The following DENND2A variants were observed in gnomAD, a reference collection of about 807,000 sequenced individuals.
DENND2A encodes the protein DENN domain-containing protein 2A.
DENND2A carries 53 observed loss-of-function variants against 105.3 expected under a neutral mutation model. That is an observed-to-expected ratio of 0.50 (90% CI 0.40 to 0.63). The LOEUF is 0.63. DENND2A is among the 30% of genes least tolerant of loss of function. DENND2A has a pLI of 0.00. For missense variants in DENND2A, 1,138 were observed against 1,279.6 expected (o/e 0.89, Z 1.69); for synonymous variants, 522 against 508.4 (o/e 1.03, Z -0.36).
chr7:140,566,735 G>A (rs565816742), intron 9 of DENND2A, among the ~76,000 whole-genome samples: 75 of 135,874 alleles, frequency 5.5e-4, no homozygotes, highest in Admixed American at 8.2e-4. Flanking sequence ...CGCCCAGGCC[G>A]GAGTGCAGTG....
At chr7:140,568,228 C>T (rs1797955068) in intron 8 of DENND2A, among the ~76,000 whole-genome samples, 1 of 152,202 alleles carries the variant, frequency 6.6e-6, no homozygotes, top group Non-Finnish European at 1.5e-5. Flanking sequence ...GCGTGAGCCA[C>T]CAAGCCCGGC....
intron 12 of DENND2A, among the ~76,000 whole-genome samples, chr7:140,551,529 G>T (rs965142768): frequency 5.9e-5 from 9 of 151,992 alleles, no homozygotes; most frequent in African/African-American, 2.2e-4. Context: ...CCAGGCCTGC[G>T]CCCAGACTTG....
At chr7:140,584,951 C>G (rs1180858458) in intron 5 of DENND2A, among the ~76,000 whole-genome samples, 3 of 152,300 alleles carry the variant, frequency 2.0e-5, no homozygotes, top group African/African-American at 7.2e-5. Flanking sequence ...GTAATCCCAG[C>G]ACTTTGGGAG....
At chr7:140,595,778 A>G (rs929859593) in intron 3 of DENND2A, among the ~76,000 whole-genome samples, 1 of 152,040 alleles carries the variant, frequency 6.6e-6, no homozygotes, top group Admixed American at 6.6e-5. Context: ...AAAAAAAAAA[A>G]AGCTTGGCTA....
In DENND2A at chr7:140,542,565, CTTTTTTT is replaced by C. The variant is rs771623397; in HGVS notation, c.2327+2046_2327+2052del. ...CTACTTTGCAGTTCTTTTTCTCTCT[CTTTTTTT>C]TTTTTTTTTTTTTTTGAGTTTCACT... On this transcript the variant is annotated intron_variant, in intron 14 of 19. Transcript: ENST00000496613. 6.2e-5 allele frequency among the ~76,000 whole-genome samples: 7 copies of C among 112,008 alleles called. No individual in the cohort carries two copies. In the South Asian group the frequency reaches 1.2e-3, roughly 19 times the overall value. The allele number at this position is 112,008 out of a possible 152,430, so 73.5% of individuals were successfully genotyped here.
chr7:140,537,062 T>C lies in DENND2A; in HGVS notation c.2327+7556A>G, dbSNP rs1484682351. Among the ~76,000 whole-genome samples, 3 of 152,222 alleles carry C rather than the reference T, an allele frequency of 2.0e-5. No individual in the cohort carries two copies. The East Asian group carries it at 5.8e-4, about 29-fold the overall frequency. On this transcript the variant is annotated intron_variant, in intron 14 of 19. Transcript: ENST00000496613. ...CTAGCTAGACCTCTGAAGTATCTTA[T>C]GGATGCCAGAGCAGCAAGGTGGCAG... is the stretch of plus-strand genomic sequence containing the variant.
At chr7:140,624,948 C>A (rs1260607877) in intron 1 of DENND2A, among the ~76,000 whole-genome samples, 3 of 149,546 alleles carry the variant, frequency 2.0e-5, no homozygotes, top group African/African-American at 7.5e-5. Flanking sequence ...ACAGCTTCGA[C>A]CTTATGTCCA....
At chr7:140,540,688 C>T (rs570390691) in intron 14 of DENND2A, among the ~76,000 whole-genome samples, 23 of 152,116 alleles carry the variant, frequency 1.5e-4, no homozygotes, top group East Asian at 9.6e-4. Context: ...CTCTCTCAGA[C>T]GTCACTGGGG....
chr7:140,570,274 G>A (rs6957365), intron 6 of DENND2A, among the ~76,000 whole-genome samples: 4,066 of 152,288 alleles, frequency 0.027, 184 homozygotes, highest in African/African-American at 0.092. Flanking sequence ...CCCTATGGGC[G>A]TCTGTTGTCT....
rs192157376 is a variant in DENND2A at position 140,609,373 on chromosome 7, C to T, written c.-247-3567G>A. On this transcript the variant is annotated intron_variant, in intron 1 of 19. Transcript: ENST00000496613. ...ACTAAAAATACAAAAATTAGGTGGG[C>T]GTGGTGGTGGGCGCTTATAATCCCA... is the stretch of plus-strand genomic sequence containing the variant. Among the ~76,000 whole-genome samples, 76 of 151,992 alleles carry T rather than the reference C, an allele frequency of 5.0e-4. No homozygotes were observed. The East Asian group carries it at 0.014, about 28-fold the overall frequency.
At chr7:140,528,958 A>G (rs537464684) in intron 14 of DENND2A, among the ~76,000 whole-genome samples, 1 of 151,536 alleles carries the variant, frequency 6.6e-6, no homozygotes, top group South Asian at 2.1e-4. Context: ...TACAAAAATT[A>G]GCTGGGCATG....
At chr7:140,555,561 T>TG in intron 12 of DENND2A, 75 bp downstream of exon 12, 1 of 1,299,756 alleles carries the variant, frequency 7.7e-7, no homozygotes, top group Non-Finnish European at 1.1e-6. Flanking sequence ...GCCCAGGACA[T>TG]GGGGGTATTC....
chr7:140,624,841 TTTTC>T (rs1222787116), intron 1 of DENND2A, among the ~76,000 whole-genome samples: 2 of 151,524 alleles, frequency 1.3e-5, no homozygotes, highest in Admixed American at 6.6e-5. Context: ...GAGATTTTGT[TTTTC>T]TTTGTTTTTT....
At chr7:140,607,407 C>G (rs1799732058) in intron 1 of DENND2A, among the ~76,000 whole-genome samples, 1 of 152,078 alleles carries the variant, frequency 6.6e-6, no homozygotes, top group Non-Finnish European at 1.5e-5. Flanking sequence ...AGGAAGGGAA[C>G]AGACACATCT....
At chr7:140,548,683 G>A (rs1169173403) in intron 12 of DENND2A, among the ~76,000 whole-genome samples, 1 of 150,946 alleles carries the variant, frequency 6.6e-6, no homozygotes, top group Non-Finnish European at 1.5e-5. Context: ...GCATGATCTC[G>A]GCTCACTGCA....
chr7:140,521,825 C>T, intron 18 of DENND2A, 30 bp downstream of exon 18: 1 of 1,610,174 alleles, frequency 6.2e-7, no homozygotes. Flanking sequence ...CTCTAGCTGA[C>T]TCGGCCCCAA....
chr7:140,579,166 G>A (rs1284926179), intron 5 of DENND2A, among the ~76,000 whole-genome samples: 6 of 151,868 alleles, frequency 4.0e-5, no homozygotes, highest in African/African-American at 4.8e-5. Context: ...GGTGGCGCAC[G>A]CCTGTAGTCC....
chr7:140,590,877 G>GAATAATAATTAATAATAATAATAATAAT (rs1563163118), intron 3 of DENND2A, among the ~76,000 whole-genome samples: 2 of 140,966 alleles, frequency 1.4e-5, no homozygotes, highest in African/African-American at 5.9e-5. Flanking sequence ...TGTTTCTGGG[G>GAATAATAATTAATAATAATAATAATAAT]AATAATAATA....
intron 1 of DENND2A, among the ~76,000 whole-genome samples, chr7:140,619,463 G>A (rs574571335): frequency 1.3e-5 from 2 of 151,944 alleles, no homozygotes; most frequent in Non-Finnish European, 1.5e-5. Context: ...GGTGGTGATG[G>A]GTTGCACAAC....
Sources: gnomAD v4.1 joint callset for allele counts (sites outside exome capture counted in the v4.1 genomes callset) on GRCh38, gnomAD v4.1.1 for gene constraint, MANE v1.5 for transcripts, NCBI Gene and HGNC (gene_info 2026-07-23, HGNC 2026-07-21) for gene names.